The following RBFOX1 variants were observed in gnomAD, a reference collection of about 807,000 sequenced individuals.
RBFOX1 encodes the protein RNA binding protein fox-1 homolog 1.
Under a neutral mutation model 57.7 loss-of-function variants are expected in RBFOX1, and 8 were observed. That is an observed-to-expected ratio of 0.14 (90% CI 0.08 to 0.25). RBFOX1 has a LOEUF of 0.25. Among genes scored for constraint, RBFOX1 ranks in the 10% least tolerant of loss-of-function variants. The pLI is 1.00. For missense variants in RBFOX1, 611 were observed against 548.5 expected (o/e 1.11, Z -1.14); for synonymous variants, 326 against 222.4 (o/e 1.47, Z -4.15).
Position 7,186,994 on chromosome 16 carries a change from CAAA to C in RBFOX1, c.27+134918_27+134920del, listed in dbSNP as rs35177784. ...GCAACATGAGGAAACCCCACCTCCA[CAAA>C]AAAAAAAAAAAAAAAAAAAAATTCA... On this transcript the variant is annotated intron_variant, in intron 4 of 15. Transcript: ENST00000550418. Among the ~76,000 whole-genome samples the C allele has an allele frequency of 1.3e-3, 89 of 69,260 alleles. 1 individual carries two copies. Among genetic ancestry groups the C allele is most frequent in the African/African-American group, 4.7e-3 (74 of 15,650 alleles). 45.4% of individuals were successfully genotyped at this position (69,260 alleles called of 152,430 possible). A position where few individuals can be genotyped will look rare whatever the true frequency, so the allele number is the denominator to read the frequency against.
chr16:6,465,596 G>T (rs935228902), intron 2 of RBFOX1, among the ~76,000 whole-genome samples: 1 of 118,140 alleles, frequency 8.5e-6, no homozygotes, highest in Non-Finnish European at 1.7e-5. Flanking sequence ...AGATGTATAG[G>T]GCTGTGTGTG....
chr16:7,026,616 G>A (rs1417883576), intron 3 of RBFOX1, among the ~76,000 whole-genome samples: 1 of 152,104 alleles, frequency 6.6e-6, no homozygotes, highest in African/African-American at 2.4e-5. Context: ...TGCAGGGAAG[G>A]AGGAAAGGCC....
chr16:6,804,087 A>G (rs1256143364), intron 3 of RBFOX1, among the ~76,000 whole-genome samples: 5 of 151,922 alleles, frequency 3.3e-5, no homozygotes, highest in African/African-American at 9.7e-5. Context: ...GCTCGCTGCA[A>G]CCTCTGCCTC....
At chr16:7,158,855 A>G (rs977296972) in intron 4 of RBFOX1, among the ~76,000 whole-genome samples, 1 of 151,638 alleles carries the variant, frequency 6.6e-6, no homozygotes, top group African/African-American at 2.4e-5. Context: ...GTGTGTGTGC[A>G]TGTGTGTGTA....
chr16:5,458,897 A>G (rs1198065882), intron 1 of RBFOX1, among the ~76,000 whole-genome samples: 1 of 152,218 alleles, frequency 6.6e-6, no homozygotes, highest in Admixed American at 6.5e-5. Context: ...TCCCTCTGCT[A>G]ATGGATCTCA....
chr16:5,286,386 A>G (rs1852674), intron 1 of RBFOX1, among the ~76,000 whole-genome samples: 66,618 of 151,904 alleles, frequency 0.44, 14,981 homozygotes, highest in Non-Finnish European at 0.5. Flanking sequence ...GTGGTGGGTA[A>G]GCTGGCGTTT....
intron 4 of RBFOX1, among the ~76,000 whole-genome samples, chr16:7,490,141 C>G (rs958837861): frequency 6.6e-6 from 1 of 152,172 alleles, no homozygotes; most frequent in Non-Finnish European, 1.5e-5. Context: ...GAACTTCCTT[C>G]AGTCTTCTGA....
intron 2 of RBFOX1, among the ~76,000 whole-genome samples, chr16:6,410,487 A>G (rs992864911): frequency 1.3e-5 from 2 of 151,330 alleles, no homozygotes; most frequent in Non-Finnish European, 2.9e-5. Flanking sequence ...AATTTTTTGT[A>G]TTTTTAGTAG....
chr16:5,555,931 G>C (rs943290911), intron 2 of RBFOX1, among the ~76,000 whole-genome samples: 2 of 152,094 alleles, frequency 1.3e-5, no homozygotes, highest in African/African-American at 4.8e-5. Context: ...TGAGACGGGA[G>C]AATCGCTTGA....
intron 2 of RBFOX1, among the ~76,000 whole-genome samples, chr16:6,412,548 G>A (rs948835519): frequency 2.0e-5 from 3 of 152,256 alleles, no homozygotes; most frequent in Non-Finnish European, 4.4e-5. Flanking sequence ...TCTCACCAAT[G>A]TCTTTGAAAC....
intron 4 of RBFOX1, among the ~76,000 whole-genome samples, chr16:7,359,663 G>A (rs1184196436): frequency 6.6e-6 from 1 of 152,176 alleles, no homozygotes; most frequent in Non-Finnish European, 1.5e-5. Context: ...CATCAGCAAT[G>A]TCAAGGATGT....
intron 4 of RBFOX1, among the ~76,000 whole-genome samples, chr16:7,215,383 G>C (rs1319209310): frequency 6.6e-6 from 1 of 152,138 alleles, no homozygotes; most frequent in Non-Finnish European, 1.5e-5. Context: ...GTTTATTGCA[G>C]CAGTAATTAC....
chr16:6,880,797 TATA>T (rs200452493), intron 3 of RBFOX1, among the ~76,000 whole-genome samples: 9,624 of 152,284 alleles, frequency 0.063, 1,058 homozygotes, highest in African/African-American at 0.22. Flanking sequence ...CAGTATTTCT[TATA>T]TTATTGAAAG....
intron 4 of RBFOX1, among the ~76,000 whole-genome samples, chr16:7,483,478 TAA>T: frequency 6.6e-6 from 1 of 152,210 alleles, no homozygotes; most frequent in Non-Finnish European, 1.5e-5. Flanking sequence ...GTCTTGGACC[TAA>T]AAAGCAGTTA....
chr16:7,578,306 C>A (rs1336221392), intron 5 of RBFOX1, among the ~76,000 whole-genome samples: 1 of 152,152 alleles, frequency 6.6e-6, no homozygotes, highest in Non-Finnish European at 1.5e-5. Flanking sequence ...ACAGTATAGG[C>A]AAAATGACTA....
At chr16:5,334,710 A>T (rs1405325599) in intron 1 of RBFOX1, among the ~76,000 whole-genome samples, 1 of 151,856 alleles carries the variant, frequency 6.6e-6, no homozygotes, top group Non-Finnish European at 1.5e-5. Context: ...TTTACAATAT[A>T]ATTATAGGGT....
chr16:5,904,484 A>C (rs79093573), intron 4 of RBFOX1, among the ~76,000 whole-genome samples: 8,939 of 151,718 alleles, frequency 0.059, 301 homozygotes, highest in African/African-American at 0.091. Context: ...GAGAGAGAAA[A>C]ATCAAGACAA....
chr16:6,400,762 G>A (rs907299819), intron 2 of RBFOX1, among the ~76,000 whole-genome samples: 2 of 152,154 alleles, frequency 1.3e-5, no homozygotes, highest in African/African-American at 2.4e-5. Context: ...ACCAGGCTTG[G>A]TGGGCGCTTG....
At chr16:6,963,815 C>T (rs1485726478) in intron 3 of RBFOX1, among the ~76,000 whole-genome samples, 1 of 151,392 alleles carries the variant, frequency 6.6e-6, no homozygotes, top group East Asian at 2.0e-4. Flanking sequence ...TCTCCTGCCT[C>T]AGCCTCTCGA....
Sources: allele counts gnomAD v4.1 joint callset (sites outside exome capture counted in the v4.1 genomes callset), GRCh38; gene constraint gnomAD v4.1.1; transcripts MANE v1.5; gene names NCBI Gene and HGNC (gene_info 2026-07-23, HGNC 2026-07-21).